ANKRD30A: variants seen among roughly 807,000 people sequenced by gnomAD.
ANKRD30A encodes ankyrin repeat domain-containing protein 30A.
A neutral mutation model predicts 166.3 loss-of-function variants in ANKRD30A; 170 were observed. The ratio of observed to expected loss-of-function variants is 1.02; its 90% CI spans 0.90 to 1.16. The LOEUF is 1.16. ANKRD30A is among the 50% of genes most tolerant of loss of function. The pLI is 0.00. For synonymous variants in ANKRD30A, 564 were observed against 508.9 expected, an observed-to-expected ratio of 1.11 and a Z score of -1.46; for missense variants, 1,630 against 1,518.0, an observed-to-expected ratio of 1.07 and a Z score of -1.23.
At chr10:37,255,414 A>T in the ANKRD30A span, among the ~76,000 whole-genome samples, 1 of 152,190 alleles carries the variant, frequency 6.6e-6, no homozygotes, top group African/African-American at 2.4e-5. Flanking sequence ...AAATATATAC[A>T]ATTAAAAAAA....
intron 35 of ANKRD30A, among the ~76,000 whole-genome samples, chr10:37,231,950 T>A (rs1843429364): frequency 6.6e-6 from 1 of 152,068 alleles, no homozygotes; most frequent in Non-Finnish European, 1.5e-5. Flanking sequence ...AAGTTACATT[T>A]TAGAAAGGGA....
chr10:37,143,375 G>A (rs1837288676), intron 7 of ANKRD30A, among the ~76,000 whole-genome samples: 3 of 152,072 alleles, frequency 2.0e-5, no homozygotes, highest in Admixed American at 6.6e-5. Context: ...ATGTTAGGCC[G>A]CTGGGCATGG....
At position 37,134,073 on chromosome 10, in the gene ANKRD30A, G is replaced by A. The variant is rs1355512894; in HGVS notation, c.755+20G>A. Reference sequence around the variant, plus strand: ...TCATCAGTAAGTGTTTACGTTTAGAGGCTAGGTGAGATTTTATAGTTTGTT... The same window carrying A: ...TCATCAGTAAGTGTTTACGTTTAGAAGCTAGGTGAGATTTTATAGTTTGTT... On this transcript the variant is annotated intron_variant, in intron 5 of 35. Coordinates refer to ENST00000361713, the MANE Select transcript of ANKRD30A (RefSeq NM_052997.3). 3.1e-6 allele frequency: 5 copies of A among 1,611,306 alleles called. No homozygotes were observed. The highest frequency in any genetic ancestry group is 1.3e-5 in the African/African-American group (1 of 74,788).
intron 13 of ANKRD30A, among the ~76,000 whole-genome samples, 158 bp downstream of exon 13, chr10:37,153,820 G>A (rs1344660184): frequency 1.3e-5 from 2 of 152,164 alleles, no homozygotes; most frequent in East Asian, 1.9e-4. Flanking sequence ...CTCATCAGGT[G>A]TTGGCAACAG....
At chr10:37,244,531 G>T in the ANKRD30A span, among the ~76,000 whole-genome samples, 1 of 152,202 alleles carries the variant, frequency 6.6e-6, no homozygotes, top group Non-Finnish European at 1.5e-5. Flanking sequence ...TCACTTATTT[G>T]TTCAATACCA....
Position 37,133,828 on chromosome 10 carries a change from G to A in ANKRD30A, c.618-88G>A, listed in dbSNP as rs546113333. 5.1e-4 allele frequency: 737 copies of A among 1,446,322 alleles called. 1 individual carries two copies. Among genetic ancestry groups the A allele is most frequent in the South Asian group, 1.9e-3 (148 of 78,108 alleles). The allele number at this position is 1,446,322 out of a possible 1,614,324, so 89.6% of individuals were successfully genotyped here. A position where few individuals can be genotyped will look rare whatever the true frequency, so the allele number is the denominator to read the frequency against. On this transcript the variant is annotated intron_variant, in intron 4 of 35. Coordinates refer to ENST00000361713, the MANE Select transcript of ANKRD30A (RefSeq NM_052997.3). ...GCACTCAAGATACTTATGTTTGTTG[G>A]TACATGTAAATGGTTAATTCTACAA... is the stretch of plus-strand genomic sequence containing the variant.
chr10:37,207,707 A>G (rs768458739), intron 31 of ANKRD30A, among the ~76,000 whole-genome samples: 1 of 151,926 alleles, frequency 6.6e-6, no homozygotes, highest in African/African-American at 2.4e-5. Flanking sequence ...GAAAGAGACT[A>G]TATCATTATC....
chr10:37,160,501 C>CA, intron 15 of ANKRD30A, among the ~76,000 whole-genome samples: 1 of 152,052 alleles, frequency 6.6e-6, no homozygotes, highest in East Asian at 1.9e-4. Context: ...GAAGTTAGAA[C>CA]AAAAATTTTC....
Position 37,219,162 on chromosome 10 carries a change from A to T in ANKRD30A, c.3450A>T (p.Leu1150=). 6.2e-7 allele frequency: 1 copy of T among 1,610,224 alleles called. No individual in the cohort carries two copies. Among genetic ancestry groups the T allele is most frequent in the Non-Finnish European group, 8.5e-7 (1 of 1,177,306 alleles). The stretch of plus-strand genomic sequence containing the variant: ...AGAATGCTGAACTTCAGATGACCCT[A>T]AAACTGAAAGAGGAATCATTAACTA... ...KEKNAELQMT[L]KLKEESLTKR... is the part of the protein sequence containing the mutation. The change falls in exon 34 of 36, where the codon CTA becomes CTT. Residue 1150 remains leucine (L), a synonymous_variant. Coordinates refer to ENST00000361713, the MANE Select transcript of ANKRD30A (RefSeq NM_052997.3).
At chr10:37,154,064 G>A (rs1838171867) in intron 13 of ANKRD30A, among the ~76,000 whole-genome samples, 1 of 152,046 alleles carries the variant, frequency 6.6e-6, no homozygotes, top group African/African-American at 2.4e-5. Flanking sequence ...TAGAAATTTG[G>A]GAAGAATATA....
At chr10:37,203,025 G>A (rs1431295944) in intron 31 of ANKRD30A, among the ~76,000 whole-genome samples, 4 of 152,104 alleles carry the variant, frequency 2.6e-5, no homozygotes, top group African/African-American at 9.7e-5. Flanking sequence ...TCCAGGACTG[G>A]ACAGATTCCC....
Position 37,217,804 on chromosome 10 carries a change from G to A in ANKRD30A, c.3193G>A (p.Val1065Met), listed in dbSNP as rs202017137. ...AGAGCAGCATAGGAAAGAGTTAGAA[G>A]TGAAACAACAACTTGAACAGGCTCT... Reference protein sequence around the residue: ...IEEQHRKELEVKQQLEQALRI... With the variant: ...IEEQHRKELEMKQQLEQALRI... The change falls in exon 33 of 36, where the codon GTG becomes ATG. Residue 1065 changes from valine (V) to methionine (M), a missense_variant. Coordinates refer to ENST00000361713, the MANE Select transcript of ANKRD30A (RefSeq NM_052997.3). 2.1e-4 allele frequency: 340 copies of A among 1,600,134 alleles called. 1 individual carries two copies. The African/African-American group carries it at 4.0e-3, about 19-fold the overall frequency.
chr10:37,191,081 A>T (rs1397967851), intron 25 of ANKRD30A, among the ~76,000 whole-genome samples: 1 of 151,906 alleles, frequency 6.6e-6, no homozygotes, highest in Non-Finnish European at 1.5e-5. Context: ...TTAACATAGA[A>T]AATGTTATTA....
rs750613941 is a variant in ANKRD30A at position 37,149,669 on chromosome 10, C to A, written c.1562C>A (p.Ser521Tyr). 9.9e-6 allele frequency: 16 copies of A among 1,612,266 alleles called. No homozygotes were observed. The highest frequency in any genetic ancestry group is 1.4e-5 in the Non-Finnish European group (16 of 1,178,818). ...REVEEPPKKP[S>Y]AFKPAIEMQN... ...TTTTTAGAGCCTCCTAAGAAGCCATCTGCCTTCAAGGTATTTAGTTTTATT... is the reference window on the plus strand; with the variant it reads ...TTTTTAGAGCCTCCTAAGAAGCCATATGCCTTCAAGGTATTTAGTTTTATT... The change falls in exon 10 of 36, where the codon TCT becomes TAT. Residue 521 changes from serine (S) to tyrosine (Y), a missense_variant. Transcript: ENST00000361713.
At chr10:37,236,972 A>C (rs1843697611), downstream of ANKRD30A, among the ~76,000 whole-genome samples, 1 of 152,150 alleles carries the variant, frequency 6.6e-6, no homozygotes, top group Non-Finnish European at 1.5e-5. Context: ...ACTACCACTC[A>C]CTGATGTTAT....
the ANKRD30A span, among the ~76,000 whole-genome samples, chr10:37,237,798 A>G: frequency 6.6e-6 from 1 of 152,210 alleles, no homozygotes; most frequent in East Asian, 1.9e-4. Flanking sequence ...TGCTGAATAG[A>G]ACAGTGATTG....
At chr10:37,258,062 T>C in the ANKRD30A span, among the ~76,000 whole-genome samples, 1 of 152,100 alleles carries the variant, frequency 6.6e-6, no homozygotes, top group Admixed American at 6.5e-5. Context: ...CAGCAAATCA[T>C]CATGGCACAT....
Position 37,219,170 on chromosome 10 carries a change from AAG to A in ANKRD30A, c.3461_3462del (p.Glu1154GlyfsTer5). 4 of 1,610,594 alleles carry A rather than the reference AAG, an allele frequency of 2.5e-6. No individual in the cohort carries two copies. The highest frequency in any genetic ancestry group is 2.5e-6 in the Non-Finnish European group (3 of 1,177,584). ...GAACTTCAGATGACCCTAAAACTGA[AAG>A]AGGAATCATTAACTAAAAGGGCATC... On this transcript the variant is annotated frameshift_variant, in exon 34 of 36. Transcript: ENST00000361713. LOFTEE classifies it high-confidence loss of function.
rs191896618 is a variant in ANKRD30A at position 37,198,169 on chromosome 10, T to G, written c.2716+689T>G. On this transcript the variant is annotated intron_variant, in intron 29 of 35. Transcript: ENST00000361713. ...AAGTAACCAATATTCTAAACTGTTT[T>G]TTAAAACTATTCTTATGCATGTTTA... Among the ~76,000 whole-genome samples, 133 of 152,280 alleles carry G rather than the reference T, an allele frequency of 8.7e-4. 2 individuals carry two copies. Among genetic ancestry groups the G allele is most frequent in the African/African-American group, 3.1e-3 (130 of 41,584 alleles).
Sources: gnomAD v4.1 joint callset for allele counts (sites outside exome capture counted in the v4.1 genomes callset) on GRCh38, gnomAD v4.1.1 for gene constraint, MANE v1.5 for transcripts, NCBI Gene and HGNC (gene_info 2026-07-23, HGNC 2026-07-21) for gene names.